The following PLCG2 variants were observed in gnomAD, a reference collection of about 807,000 sequenced individuals.
The protein encoded by PLCG2 is phospholipase C gamma 2.
In PLCG2, 69 loss-of-function variants were observed where a neutral mutation model predicts 175.6. That is an observed-to-expected ratio of 0.39 (90% CI 0.32 to 0.48). The LOEUF is 0.48. Ranked by LOEUF, PLCG2 falls within the 20% of genes least tolerant of loss-of-function variation. The probability of loss-of-function intolerance (pLI) is 0.91; values close to 1 mark genes in which losing one functional copy is unlikely to be tolerated. For missense variants in PLCG2, 1,798 were observed against 1,650.9 expected (o/e 1.09, Z -1.54); for synonymous variants, 827 against 624.0 (o/e 1.33, Z -4.85).
At chr16:81,856,083 C>G (rs1906667813) in intron 3 of PLCG2, among the ~76,000 whole-genome samples, 1 of 152,114 alleles carries the variant, frequency 6.6e-6, no homozygotes, top group Non-Finnish European at 1.5e-5. Context: ...CTTCCGGAAC[C>G]CTAAATTCAA....
rs200366770 is a variant in PLCG2 at position 81,937,897 on chromosome 16, A to G, written c.3192A>G (p.Thr1064=). 8.7e-6 allele frequency: 14 copies of G among 1,614,130 alleles called. No individual in the cohort carries two copies. Among genetic ancestry groups the G allele is most frequent in the Non-Finnish European group, 1.2e-5 (14 of 1,179,978 alleles). The change falls in exon 28 of 33, where the codon ACA becomes ACG. Residue 1064 remains threonine (T), a synonymous_variant. Transcript: ENST00000564138. ...ESQRKILMTL[T]VKVLGARHLP... ...AGAGGAAGATCCTGATGACGCTGAC[A>G]GTCAAGGTAAAGCCAGCCCTCCCTT...
chr16:81,891,652 G>A, intron 11 of PLCG2, 62 bp downstream of exon 11: 1 of 948,474 alleles, frequency 1.1e-6, no homozygotes, highest in Non-Finnish European at 1.7e-6. Context: ...GTTGAGGCAG[G>A]GGTCCGATAC....
At chr16:81,937,061 C>T (rs977344116) in intron 27 of PLCG2, among the ~76,000 whole-genome samples, 1 of 152,194 alleles carries the variant, frequency 6.6e-6, no homozygotes, top group African/African-American at 2.4e-5. Context: ...CTCAGAAAGG[C>T]AGGGTGGGTC....
In PLCG2 at chr16:81,871,140, A is replaced by G. The variant is rs1175362256; in HGVS notation, c.648+205A>G. Among the ~76,000 whole-genome samples, 6 of 152,210 alleles carry G rather than the reference A, an allele frequency of 3.9e-5. No individual in the cohort carries two copies. In the East Asian group the frequency reaches 1.2e-3, roughly 29 times the overall value. On this transcript the variant is annotated intron_variant, in intron 7 of 32. Transcript: ENST00000564138. ...CATGACAGAGCTGTGGGCAAAATGT[A>G]GAGAAATGGTGTTCATATGCCTTCC...
intron 23 of PLCG2, 61 bp from the exon 24 acceptor site, chr16:81,928,497 C>G (rs963072613): frequency 1.9e-6 from 2 of 1,065,294 alleles, no homozygotes; most frequent in South Asian, 2.5e-5. Context: ...GCTTTGGAAA[C>G]GGGTTTTCTT....
chr16:81,744,710 T>C (rs1909670052), intron 1 of PLCG2, among the ~76,000 whole-genome samples: 1 of 152,136 alleles, frequency 6.6e-6, no homozygotes, highest in Non-Finnish European at 1.5e-5. Context: ...TAGCTGGGTC[T>C]ACAGGCATGG....
chr16:81,907,352 G>T (rs1909419897), intron 15 of PLCG2, among the ~76,000 whole-genome samples: 1 of 151,948 alleles, frequency 6.6e-6, no homozygotes, highest in South Asian at 2.1e-4. Context: ...TGAACGTAAG[G>T]TCTCCAGACA....
Position 81,905,530 on chromosome 16 carries a change from A to AGCC in PLCG2, c.1467+24_1467+26dup, listed in dbSNP as rs773813763. 1.8e-5 allele frequency: 28 copies of AGCC among 1,549,140 alleles called. 1 individual carries two copies. The South Asian group carries it at 3.1e-4, about 17-fold the overall frequency. Reference sequence around the variant, plus strand: ...CAGGTGGGCCTTGGTCCCTTCCCGTAGCCACTGCGGCCACGCCCCTTGCAG... The same window carrying AGCC: ...CAGGTGGGCCTTGGTCCCTTCCCGTAGCCGCCACTGCGGCCACGCCCCTTGCAG... On this transcript the variant is annotated intron_variant, in intron 15 of 32. Transcript: ENST00000564138.
At chr16:81,899,922 TCCTGTATTTCC>T (rs1238434498) in intron 13 of PLCG2, among the ~76,000 whole-genome samples, 2 of 152,198 alleles carry the variant, frequency 1.3e-5, no homozygotes, top group African/African-American at 4.8e-5. Context: ...AAGGCCCTGA[TCCTGTATTTCC>T]CCTTAGGAGC....
At position 81,884,088 on chromosome 16, in the gene PLCG2, C is replaced by T. The variant is rs567174150; in HGVS notation, c.765+747C>T. Among the ~76,000 whole-genome samples the T allele has an allele frequency of 1.1e-4, 17 of 152,368 alleles. No individual in the cohort carries two copies. In the East Asian group the frequency reaches 1.3e-3, roughly 12 times the overall value. ...ATTCAGGGCCGGGTAGGGTGGCTCA[C>T]GCCTATAATCCCAGCACTTTGGGAG... On this transcript the variant is annotated intron_variant, in intron 9 of 32. Coordinates refer to ENST00000564138, the MANE Select transcript of PLCG2 (RefSeq NM_002661.5).
At chr16:81,765,828 C>G (rs12933857) in intron 2 of PLCG2, among the ~76,000 whole-genome samples, 77,800 of 151,850 alleles carry the variant, frequency 0.51, 21,480 homozygotes, top group Middle Eastern at 0.62. Context: ...ATGCAAAAGC[C>G]CAGTCTATGT....
rs764705049 is a variant in PLCG2, at chr16:81,880,884, T to G, written c.649-26T>G. 17 of 1,613,200 alleles carry G rather than the reference T, an allele frequency of 1.1e-5. No individual in the cohort carries two copies. The African/African-American group carries it at 2.3e-4, about 22-fold the overall frequency. Reference sequence around the variant, plus strand: ...ATTAAGTGACTTGTCTAAGGTTCTTTTTTTTGTGTGTGCTTTCCATTTCAG... The same window carrying G: ...ATTAAGTGACTTGTCTAAGGTTCTTGTTTTTGTGTGTGCTTTCCATTTCAG... On this transcript the variant is annotated intron_variant, in intron 7 of 32. Coordinates refer to ENST00000564138, the MANE Select transcript of PLCG2 (RefSeq NM_002661.5).
At chr16:81,816,658 T>TCA in intron 2 of PLCG2, among the ~76,000 whole-genome samples, 1 of 97,518 alleles carries the variant, frequency 1.0e-5, no homozygotes, top group Admixed American at 1.0e-4. Context: ...TTAATTTTTT[T>TCA]TTTTTTTTTT....
intron 8 of PLCG2, among the ~76,000 whole-genome samples, chr16:81,881,589 C>T (rs564532625): frequency 2.0e-5 from 3 of 152,296 alleles, no homozygotes; most frequent in South Asian, 4.1e-4. Flanking sequence ...CCCTCTGTCA[C>T]TTTTGAAATC....
chr16:81,957,958 T>C lies in PLCG2; in HGVS notation c.3758T>C (p.Leu1253Ser). 2 of 1,613,720 alleles carry C rather than the reference T, an allele frequency of 1.2e-6. No homozygotes were observed. Among genetic ancestry groups the C allele is most frequent in the Non-Finnish European group, 1.7e-6 (2 of 1,179,612 alleles). Residue 1253 changes from leucine to serine, a missense_variant and splice_region_variant, in exon 33 of 33, where the codon TTA becomes TCA. Leu to Ser is a moderately radical substitution (Grantham distance 145, BLOSUM62 -2). Transcript: ENST00000564138. ...QLYQEKCNKR[L>S]REKRVSNSKF... ...TGGTGAAATCTGTTTTATTTCAGGT[T>C]AAGAGAGAAGAGAGTCAGCAACAGC...
In PLCG2 at chr16:81,828,980, T is replaced by C. The variant is rs143014916; in HGVS notation, c.194-25464T>C. Among the ~76,000 whole-genome samples the C allele has an allele frequency of 3.3e-3, 501 of 152,310 alleles. 5 individuals are homozygous for C. Among genetic ancestry groups the C allele is most frequent in the African/African-American group, 0.011 (448 of 41,568 alleles). ...CCTGTGTGGGCCATTCTCTCAAACA[T>C]TGCTAGTCTCAGGAATAGTCAGAAA... On this transcript the variant is annotated intron_variant, in intron 2 of 32. Coordinates refer to ENST00000564138, the MANE Select transcript of PLCG2 (RefSeq NM_002661.5).
chr16:81,791,630 C>A (rs1334818732), intron 2 of PLCG2, among the ~76,000 whole-genome samples: 1 of 152,138 alleles, frequency 6.6e-6, no homozygotes. Context: ...AATGGTGCAG[C>A]CTCGGCTCAC....
At chr16:81,797,837 C>CT (rs35558572) in intron 2 of PLCG2, among the ~76,000 whole-genome samples, 31,320 of 145,488 alleles carry the variant, frequency 0.22, 3,550 homozygotes, top group Non-Finnish European at 0.26. Context: ...TTTTTCTTGT[C>CT]TTTTTTTTTT....
chr16:81,912,143 G>T (rs1172533031), intron 18 of PLCG2, among the ~76,000 whole-genome samples: 1 of 151,794 alleles, frequency 6.6e-6, no homozygotes, highest in Admixed American at 6.6e-5. Flanking sequence ...ATGTTGGTCA[G>T]GCTGGTCTTG....
Sources: allele counts gnomAD v4.1 joint callset (sites outside exome capture counted in the v4.1 genomes callset), GRCh38; gene constraint gnomAD v4.1.1; transcripts MANE v1.5; gene names NCBI Gene and HGNC (gene_info 2026-07-23, HGNC 2026-07-21).